The following ERC2 variants were observed in gnomAD, a reference collection of about 807,000 sequenced individuals.
ERC2 encodes ELKS/RAB6-interacting/CAST family member 2, also known as ERC protein 2.
ERC2 carries 42 observed loss-of-function variants against 114.8 expected under a neutral mutation model. The observed-to-expected ratio is 0.37, with a 90% CI of 0.29 to 0.47. The LOEUF is 0.47. Among genes scored for constraint, ERC2 ranks in the 20% least tolerant of loss-of-function variants. ERC2 has a pLI of 0.99. For missense variants in ERC2, 939 were observed against 1,150.7 expected (o/e 0.82, Z 2.66); for synonymous variants, 454 against 425.5 (o/e 1.07, Z -0.82).
intron 6 of ERC2, among the ~76,000 whole-genome samples, chr3:56,115,315 T>C (rs1035119269): frequency 2.0e-5 from 3 of 152,170 alleles, no homozygotes; most frequent in Admixed American, 1.3e-4. Context: ...TTCCATTACA[T>C]AGGCATGCCT....
intron 17 of ERC2, among the ~76,000 whole-genome samples, chr3:55,665,734 G>A (rs2061333450): frequency 6.6e-6 from 1 of 152,204 alleles, no homozygotes; most frequent in African/African-American, 2.4e-5. Context: ...AGAAAGGAAA[G>A]ACAAATCATA....
chr3:55,735,624 C>T (rs1449840292), intron 14 of ERC2, among the ~76,000 whole-genome samples: 1 of 152,126 alleles, frequency 6.6e-6, no homozygotes, highest in Admixed American at 6.5e-5. Context: ...AATGCCCCTG[C>T]CTTTTAATAC....
At chr3:55,572,673 A>G (rs1204401625) in intron 17 of ERC2, among the ~76,000 whole-genome samples, 3 of 152,174 alleles carry the variant, frequency 2.0e-5, no homozygotes, top group Non-Finnish European at 2.9e-5. Flanking sequence ...GACTTGCCTA[A>G]GGTCACATAG....
At chr3:55,865,817 T>C (rs72879133) in intron 14 of ERC2, among the ~76,000 whole-genome samples, 26,900 of 152,166 alleles carry the variant, frequency 0.18, 2,779 homozygotes, top group African/African-American at 0.26. Flanking sequence ...AATAGTGCAT[T>C]GTATGGATGT....
At chr3:55,887,802 T>C (rs34499187) in intron 14 of ERC2, among the ~76,000 whole-genome samples, 2,187 of 152,248 alleles carry the variant, frequency 0.014, 53 homozygotes, top group Non-Finnish European at 0.013. Context: ...TCCAATCCAA[T>C]CTCCCTGATT....
At chr3:55,659,068 A>G (rs1367480686) in intron 17 of ERC2, 1 of 152,432 alleles carries the variant, frequency 6.6e-6, no homozygotes, top group Non-Finnish European at 1.5e-5. Context: ...GAAACTGTAT[A>G]TCCTTTCCTG....
At chr3:56,025,351 C>T (rs1418728237) in intron 7 of ERC2, among the ~76,000 whole-genome samples, 1 of 152,166 alleles carries the variant, frequency 6.6e-6, no homozygotes, top group Non-Finnish European at 1.5e-5. Flanking sequence ...CTGGGCATGG[C>T]CTGATTGGTT....
At chr3:55,632,433 T>C (rs538819984) in intron 17 of ERC2, among the ~76,000 whole-genome samples, 4 of 152,192 alleles carry the variant, frequency 2.6e-5, no homozygotes, top group African/African-American at 9.7e-5. Context: ...AATTCACTGC[T>C]GGAAGGCTGT....
intron 3 of ERC2, among the ~76,000 whole-genome samples, chr3:56,183,845 G>T (rs775231577): frequency 6.6e-6 from 1 of 152,072 alleles, no homozygotes; most frequent in Non-Finnish European, 1.5e-5. Flanking sequence ...GGTAAGGGCT[G>T]CAGAGGGGGC....
Position 55,665,216 on chromosome 3 carries a change from A to C in ERC2, c.*39+18578T>G, listed in dbSNP as rs182169355. Among the ~76,000 whole-genome samples, 9 of 152,300 alleles carry C rather than the reference A, an allele frequency of 5.9e-5. No individual in the cohort carries two copies. The East Asian group carries it at 1.7e-3, about 29-fold the overall frequency. ...TAGCACATTTCCTGACTCTTCAAGC[A>C]GCGCTCTTTCCACTGTTCTCAGGGT... On this transcript the variant is annotated intron_variant, in intron 17 of 17. Coordinates refer to ENST00000288221, the MANE Select transcript of ERC2 (RefSeq NM_015576.3).
chr3:55,744,265 G>A (rs535746372), intron 14 of ERC2, among the ~76,000 whole-genome samples: 341 of 152,230 alleles, frequency 2.2e-3, no homozygotes, highest in Admixed American at 4.0e-3. Flanking sequence ...TTAGCTGGGC[G>A]TGGTAGCGGA....
chr3:56,186,114 TAAA>T lies in ERC2; in HGVS notation c.1075-12597_1075-12595del, dbSNP rs201544979. ...GAAAGCATATACATCTCAAGAACCT[TAAA>T]AAAAAAAAAAAAAAAAAAAAAAAAA... On this transcript the variant is annotated intron_variant, in intron 3 of 17. Coordinates refer to ENST00000288221, the MANE Select transcript of ERC2 (RefSeq NM_015576.3). Among the ~76,000 whole-genome samples, 234 of 102,476 alleles carry T rather than the reference TAAA, an allele frequency of 2.3e-3. 1 individual carries two copies. The highest frequency in any genetic ancestry group is 8.2e-3 in the Admixed American group (77 of 9,426). The allele number at this position is 102,476 out of a possible 152,430, so 67.2% of individuals were successfully genotyped here.
chr3:56,140,117 A>C (rs985733135), intron 5 of ERC2, among the ~76,000 whole-genome samples: 1 of 152,212 alleles, frequency 6.6e-6, no homozygotes, highest in African/African-American at 2.4e-5. Flanking sequence ...ATCCTAAAAA[A>C]CAAGTAAGCA....
chr3:55,955,204 T>A (rs766357527), intron 12 of ERC2: 2 of 508,936 alleles, frequency 3.9e-6, no homozygotes, highest in Admixed American at 4.0e-5. Context: ...GGAATAGTTT[T>A]GGGAGGAAAT....
chr3:56,117,859 A>G (rs1482663591), intron 6 of ERC2, among the ~76,000 whole-genome samples: 2 of 152,240 alleles, frequency 1.3e-5, no homozygotes, highest in African/African-American at 4.8e-5. Flanking sequence ...TGGAGGAAGG[A>G]AAAGGCACCA....
intron 12 of ERC2, among the ~76,000 whole-genome samples, chr3:55,973,739 T>C (rs889686215): frequency 2.6e-5 from 4 of 152,158 alleles, no homozygotes; most frequent in Admixed American, 6.5e-5. Flanking sequence ...TAAAACTGCT[T>C]AACAAATGAG....
intron 17 of ERC2, among the ~76,000 whole-genome samples, chr3:55,589,062 T>A (rs1043282630): frequency 6.6e-6 from 1 of 151,996 alleles, no homozygotes; most frequent in African/African-American, 2.4e-5. Flanking sequence ...AGTGACTAAC[T>A]TGAGACTCAG....
intron 6 of ERC2, among the ~76,000 whole-genome samples, chr3:56,095,207 G>A (rs908191727): frequency 5.3e-5 from 8 of 152,164 alleles, no homozygotes; most frequent in African/African-American, 1.9e-4. Flanking sequence ...TCCAGCCTAT[G>A]CAACAGAGTA....
At chr3:56,387,599 C>T (rs901399660) in intron 2 of ERC2, among the ~76,000 whole-genome samples, 1 of 152,218 alleles carries the variant, frequency 6.6e-6, no homozygotes, top group African/African-American at 2.4e-5. Flanking sequence ...GTCGCCTTTG[C>T]TAATGCATCC....
Sources: allele counts gnomAD v4.1 joint callset (sites outside exome capture counted in the v4.1 genomes callset), GRCh38; gene constraint gnomAD v4.1.1; transcripts MANE v1.5; gene names NCBI Gene and HGNC (gene_info 2026-07-23, HGNC 2026-07-21).